The following PRKCH variants were observed in gnomAD, a reference collection of about 807,000 sequenced individuals.
The protein encoded by PRKCH is protein kinase C eta.
PRKCH carries 28 observed loss-of-function variants against 82.5 expected under a neutral mutation model. The observed-to-expected ratio is 0.34, with a 90% confidence interval of 0.25 to 0.47. The LOEUF is 0.47. PRKCH is among the 20% of genes least tolerant of loss of function. PRKCH has a pLI of 1.00. For synonymous variants in PRKCH, 322 were observed against 327.4 expected, an observed-to-expected ratio of 0.98 and a Z score of 0.18; for missense variants, 705 against 881.8, an observed-to-expected ratio of 0.80 and a Z score of 2.54.
intron 1 of PRKCH, among the ~76,000 whole-genome samples, chr14:61,211,169 C>T (rs1425320626): frequency 6.6e-6 from 1 of 152,278 alleles, no homozygotes; most frequent in Middle Eastern, 3.4e-3. Flanking sequence ...CAGGGAGTGG[C>T]CATGATACAT....
intron 1 of PRKCH, among the ~76,000 whole-genome samples, chr14:61,330,960 A>AAG (rs1309164029): frequency 9.2e-5 from 14 of 151,828 alleles, no homozygotes; most frequent in African/African-American, 3.4e-4. Context: ...GAGCTCAAAA[A>AAG]AAATCCTCAA....
intron 1 of PRKCH, among the ~76,000 whole-genome samples, chr14:61,327,460 G>GT: frequency 6.6e-6 from 1 of 152,176 alleles, no homozygotes; most frequent in South Asian, 2.1e-4. Flanking sequence ...AGAATCTTGA[G>GT]GGAGTTTTAT....
intron 1 of PRKCH, among the ~76,000 whole-genome samples, chr14:61,228,878 A>T (rs547011908): frequency 5.2e-4 from 78 of 151,022 alleles, no homozygotes; most frequent in African/African-American, 1.7e-3. Context: ...CTCTCCCTTT[A>T]AAAAAAATTT....
At chr14:61,469,274 A>G (rs1478469683) in intron 9 of PRKCH, among the ~76,000 whole-genome samples, 2 of 152,236 alleles carry the variant, frequency 1.3e-5, no homozygotes, top group African/African-American at 4.8e-5. Context: ...AATTAGGAAG[A>G]GAAGACCAAT....
At chr14:61,434,528 G>A (rs1883583362) in intron 2 of PRKCH, among the ~76,000 whole-genome samples, 1 of 152,178 alleles carries the variant, frequency 6.6e-6, no homozygotes, top group South Asian at 2.1e-4. Context: ...AGAGGAAAAT[G>A]AAATATTCAT....
In PRKCH at chr14:61,477,141, T is replaced by G. The variant is rs567389986; in HGVS notation, c.1279-8361T>G. The stretch of plus-strand genomic sequence containing the variant: ...TCAACACTGCTATCTGTTACGGAGA[T>G]TTCCTTCTCCTTTCCCCCAGCCGTC... On this transcript the variant is annotated intron_variant, in intron 9 of 13. Transcript: ENST00000332981. 6.6e-5 allele frequency: 10 copies of G among 152,302 alleles called. 1 individual carries two copies. The East Asian group carries it at 1.9e-3, about 29-fold the overall frequency. The allele number at this position is 152,302 out of a possible 1,614,324, so 9.4% of individuals were successfully genotyped here.
At chr14:61,271,432 G>A (rs529970103) in intron 1 of PRKCH, among the ~76,000 whole-genome samples, 1 of 152,220 alleles carries the variant, frequency 6.6e-6, no homozygotes, top group Admixed American at 6.5e-5. Context: ...TTCTTTTTCA[G>A]GGCTGTCTTG....
intron 2 of PRKCH, among the ~76,000 whole-genome samples, chr14:61,406,682 A>G (rs917896603): frequency 1.3e-5 from 2 of 152,172 alleles, no homozygotes; most frequent in African/African-American, 4.8e-5. Context: ...TTCCAGTGGC[A>G]CCTGTGTGCT....
chr14:61,321,555 C>T (rs2045622548), upstream of PRKCH, among the ~76,000 whole-genome samples: 2 of 152,152 alleles, frequency 1.3e-5, no homozygotes, highest in South Asian at 4.1e-4. The surrounding 1 kb of genome is among the most constrained non-coding windows in gnomAD (Gnocchi z 4.1). Flanking sequence ...GTCCGGAAGG[C>T]GCGGGAGCGG....
chr14:61,406,369 T>C (rs942208703), intron 2 of PRKCH, among the ~76,000 whole-genome samples: 11 of 109,940 alleles, frequency 1.0e-4, no homozygotes, highest in African/African-American at 3.2e-4. Context: ...GCCTTGTTAA[T>C]GTCTGCAAAC....
At chr14:61,448,064 A>G (rs1461269169) in intron 4 of PRKCH, among the ~76,000 whole-genome samples, 1 of 152,230 alleles carries the variant, frequency 6.6e-6, no homozygotes, top group African/African-American at 2.4e-5. Flanking sequence ...GAAAAAACCA[A>G]ATACCTCAAA....
At chr14:61,439,381 C>T (rs1883840553) in intron 2 of PRKCH, among the ~76,000 whole-genome samples, 1 of 152,038 alleles carries the variant, frequency 6.6e-6, no homozygotes, top group African/African-American at 2.4e-5. Flanking sequence ...CCATGGGGGC[C>T]CATTTTCTTT....
intron 2 of PRKCH, among the ~76,000 whole-genome samples, chr14:61,407,789 T>C (rs143661934): frequency 1.1e-3 from 162 of 152,364 alleles, no homozygotes; most frequent in African/African-American, 3.8e-3. Flanking sequence ...ATGCTGGCTG[T>C]GTCTGTCTGT....
At chr14:61,503,130 C>T (rs1044279857) in intron 10 of PRKCH, among the ~76,000 whole-genome samples, 1 of 149,412 alleles carries the variant, frequency 6.7e-6, no homozygotes, top group Non-Finnish European at 1.5e-5. Flanking sequence ...AATCTGATTA[C>T]TGTGGGGCTG....
chr14:61,501,321 G>A (rs971478132), intron 10 of PRKCH, among the ~76,000 whole-genome samples: 4 of 152,044 alleles, frequency 2.6e-5, no homozygotes, highest in African/African-American at 9.7e-5. Flanking sequence ...TACCCGTACT[G>A]TGGAATATTA....
chr14:61,324,020 A>G (rs934629943), intron 1 of PRKCH, among the ~76,000 whole-genome samples: 4 of 152,184 alleles, frequency 2.6e-5, no homozygotes, highest in African/African-American at 9.7e-5. Flanking sequence ...TAATCTTCCC[A>G]CTTGAATCAC....
chr14:61,219,432 C>A (rs1481361409), intron 1 of PRKCH, among the ~76,000 whole-genome samples: 1 of 152,202 alleles, frequency 6.6e-6, no homozygotes, highest in East Asian at 1.9e-4. Flanking sequence ...CTGTAAGGCT[C>A]CATCTGTAAG....
At chr14:61,457,383 G>C in intron 8 of PRKCH, 64 bp downstream of exon 8, 1 of 1,599,770 alleles carries the variant, frequency 6.3e-7, no homozygotes, top group Non-Finnish European at 8.5e-7. Flanking sequence ...GGGTGTGTGT[G>C]TGTGTGCACG....
At chr14:61,313,198 T>C (rs1336946558) in intron 1 of PRKCH, among the ~76,000 whole-genome samples, 2 of 152,134 alleles carry the variant, frequency 1.3e-5, no homozygotes. Context: ...TACCGCAAAA[T>C]AGTCATTTTC....
Sources: gnomAD v4.1 joint callset for allele counts (sites outside exome capture counted in the v4.1 genomes callset) on GRCh38, gnomAD v4.1.1 for gene constraint, Gnocchi (gnomAD v3.1) non-coding constraint, MANE v1.5 for transcripts, NCBI Gene and HGNC (gene_info 2026-07-23, HGNC 2026-07-21) for gene names.